The following PHYHIPL variants were observed in gnomAD, a reference collection of about 807,000 sequenced individuals.
The protein encoded by PHYHIPL is phytanoyl-CoA hydroxylase-interacting protein-like.
PHYHIPL carries 9 observed loss-of-function variants against 33.4 expected under a neutral mutation model. The observed-to-expected ratio is 0.27, with a 90% CI of 0.16 to 0.47. The LOEUF is 0.47. PHYHIPL is among the 20% of genes least tolerant of loss of function. PHYHIPL has a pLI of 0.99. For missense variants in PHYHIPL, 365 were observed against 460.7 expected, an observed-to-expected ratio of 0.79 and a Z score of 1.90; for synonymous variants, 153 against 154.1, an observed-to-expected ratio of 0.99 and a Z score of 0.05.
At chr10:59,243,951 C>T (rs1259724617) in intron 4 of PHYHIPL, among the ~76,000 whole-genome samples, 1 of 152,058 alleles carries the variant, frequency 6.6e-6, no homozygotes, top group East Asian at 1.9e-4. Context: ...GGAATTCATC[C>T]AGCAGCAGCA....
intron 1 of PHYHIPL, among the ~76,000 whole-genome samples, chr10:59,182,687 CAACTT>C (rs1464123156): frequency 1.3e-5 from 2 of 151,842 alleles, no homozygotes; most frequent in African/African-American, 2.4e-5. Flanking sequence ...TGTTTGGAGA[CAACTT>C]AAATGTATAG....
chr10:59,183,679 G>T (rs916631579), intron 1 of PHYHIPL: 41 of 984,908 alleles, frequency 4.2e-5, no homozygotes, highest in Non-Finnish European at 4.8e-5. Flanking sequence ...ACAGATGTGA[G>T]TTGAACCAAG....
At chr10:59,173,930 T>TG (rs1838208091), upstream of PHYHIPL, among the ~76,000 whole-genome samples, 5 of 92,084 alleles carry the variant, frequency 5.4e-5, no homozygotes, top group Non-Finnish European at 8.0e-5. Context: ...GGTTTTTTTT[T>TG]TTTTTTTTTT....
Position 59,245,290 on chromosome 10 carries a change from C to T in PHYHIPL, c.830C>T (p.Ala277Val). The T allele has an allele frequency of 1.2e-6, 2 of 1,614,170 alleles. No individual in the cohort carries two copies. The highest frequency in any genetic ancestry group is 1.7e-6 in the Non-Finnish European group (2 of 1,180,018). Residue 277 changes from alanine to valine, a missense_variant, in exon 5 of 5, where the codon GCT becomes GTT. Around this residue, in one of 4 missense-constraint regions of PHYHIPL, gnomAD observed 196 missense variants for 224.9 expected, o/e 0.87. Transcript: ENST00000373880. ...GGGGACTTCTACTGTATGTACACTG[C>T]TTATCATTATGTGATTCTTGTTATT... ...YFGDFYCMYT[A>V]YHYVILVIAP... is the part of the protein sequence containing the mutation.
intron 1 of PHYHIPL, among the ~76,000 whole-genome samples, chr10:59,203,001 A>G (rs1839168137): frequency 6.6e-6 from 1 of 151,572 alleles, no homozygotes; most frequent in Non-Finnish European, 1.5e-5. Flanking sequence ...AAAAGGCCAT[A>G]GATTGCAATC....
Position 59,234,376 on chromosome 10 carries a change from A to C in PHYHIPL, c.179A>C (p.Asn60Thr). The C allele has an allele frequency of 6.2e-7, 1 of 1,603,778 alleles. No individual in the cohort carries two copies. The highest frequency in any genetic ancestry group is 8.5e-7 in the Non-Finnish European group (1 of 1,176,346). ...GTACCACATAACATCAAAATAAGCAATATAACGTGTGACTCATTCAAGATT... is the reference window on the plus strand; with the variant it reads ...GTACCACATAACATCAAAATAAGCACTATAACGTGTGACTCATTCAAGATT... ...LPVPHNIKIS[N>T]ITCDSFKISW... Residue 60 changes from asparagine (N) to threonine (T), a missense_variant, in exon 2 of 5, where the codon AAT becomes ACT. Physicochemically the swap from Asn to Thr is moderately conservative, Grantham distance 65. Around this residue, in one of 4 missense-constraint regions of PHYHIPL, gnomAD observed 89 missense variants for 78.3 expected, o/e 1.14. Coordinates refer to ENST00000373880, the MANE Select transcript of PHYHIPL (RefSeq NM_032439.4).
intron 1 of PHYHIPL, among the ~76,000 whole-genome samples, chr10:59,227,982 A>G (rs575035606): frequency 6.6e-6 from 1 of 151,772 alleles, no homozygotes; most frequent in East Asian, 1.9e-4. Context: ...TGAGATATAT[A>G]TATATGTTTT....
chr10:59,231,932 C>T (rs2133281004), intron 1 of PHYHIPL, among the ~76,000 whole-genome samples: 1 of 152,110 alleles, frequency 6.6e-6, no homozygotes, highest in South Asian at 2.1e-4. Context: ...AAATGTACCT[C>T]CACCTTGGGG....
chr10:59,202,920 A>G (rs145072855), intron 1 of PHYHIPL, among the ~76,000 whole-genome samples: 101 of 152,298 alleles, frequency 6.6e-4, no homozygotes, highest in African/African-American at 2.3e-3. Context: ...AAAACCTACT[A>G]TGTAGACATA....
intron 1 of PHYHIPL, among the ~76,000 whole-genome samples, chr10:59,202,444 A>G (rs572519574): frequency 4.6e-5 from 7 of 152,342 alleles, no homozygotes; most frequent in African/African-American, 7.2e-5. Context: ...TTGTCTTCAC[A>G]TGAATGGTTG....
chr10:59,212,213 T>C lies in PHYHIPL; in HGVS notation c.107-22091T>C, dbSNP rs896069767. The stretch of plus-strand genomic sequence containing the variant: ...TCATGAGATGCTGTCCTCAACCTTG[T>C]ACTTCTTAGCCTCCGTATCTGTAAG... On this transcript the variant is annotated intron_variant, in intron 1 of 4. Transcript: ENST00000373880. Among the ~76,000 whole-genome samples the C allele has an allele frequency of 2.0e-5, 3 of 152,348 alleles. No individual in the cohort carries two copies. The East Asian group carries it at 5.8e-4, about 29-fold the overall frequency.
At chr10:59,235,127 T>C (rs1589295301) in intron 2 of PHYHIPL, among the ~76,000 whole-genome samples, 1 of 150,762 alleles carries the variant, frequency 6.6e-6, no homozygotes, top group East Asian at 1.9e-4. Context: ...TCAAGGTATT[T>C]TAAAAACACT....
At chr10:59,226,362 G>A (rs1839922805) in intron 1 of PHYHIPL, among the ~76,000 whole-genome samples, 2 of 152,068 alleles carry the variant, frequency 1.3e-5, no homozygotes, top group African/African-American at 2.4e-5. Flanking sequence ...GGTTCCCAAA[G>A]AACCAAACTG....
At chr10:59,211,991 G>A (rs923918257) in intron 1 of PHYHIPL, among the ~76,000 whole-genome samples, 1 of 152,120 alleles carries the variant, frequency 6.6e-6, no homozygotes, top group Non-Finnish European at 1.5e-5. Context: ...AGGTGATTAG[G>A]TCATGCGGGC....
In PHYHIPL at chr10:59,180,434, T is replaced by C. The variant is rs560582786; in HGVS notation, c.106+3475T>C. ...TACATGTATCTAAGCTGCCTCCAGCTTTGTTATAGTAAGGAAGAAAATACA... is the reference window on the plus strand; with the variant it reads ...TACATGTATCTAAGCTGCCTCCAGCCTTGTTATAGTAAGGAAGAAAATACA... On this transcript the variant is annotated intron_variant, in intron 1 of 4. Coordinates refer to ENST00000373880, the MANE Select transcript of PHYHIPL (RefSeq NM_032439.4). 3.2e-4 allele frequency among the ~76,000 whole-genome samples: 48 copies of C among 149,578 alleles called. No homozygotes were observed. The South Asian group carries it at 9.7e-3, about 30-fold the overall frequency.
Position 59,245,197 on chromosome 10 carries a change from C to A in PHYHIPL, c.737C>A (p.Pro246His). 6.2e-7 allele frequency: 1 copy of A among 1,614,118 alleles called. No homozygotes were observed. Among genetic ancestry groups the A allele is most frequent in the Non-Finnish European group, 8.5e-7 (1 of 1,180,014 alleles). ...ACTGGAAAGCCACCCCAGGATTCAC[C>A]TTATGGAAGATACAGGTTTGAGATT... ...FNTGKPPQDS[P>H]YGRYRFEIAA... The change falls in exon 5 of 5, where the codon CCT becomes CAT. Residue 246 changes from proline (P) to histidine (H), a missense_variant. Around this residue, in one of 4 missense-constraint regions of PHYHIPL, gnomAD observed 196 missense variants for 224.9 expected, o/e 0.87. Coordinates refer to ENST00000373880, the MANE Select transcript of PHYHIPL (RefSeq NM_032439.4).
At chr10:59,242,224 A>G (rs1343336043) in intron 4 of PHYHIPL, among the ~76,000 whole-genome samples, 2 of 152,158 alleles carry the variant, frequency 1.3e-5, no homozygotes, top group Non-Finnish European at 2.9e-5. Flanking sequence ...CATGTCAAGT[A>G]CTAATGAGAC....
chr10:59,220,045 A>G (rs1839721494), intron 1 of PHYHIPL, among the ~76,000 whole-genome samples: 1 of 152,162 alleles, frequency 6.6e-6, no homozygotes, highest in African/African-American at 2.4e-5. Context: ...CTCCTTTCAC[A>G]CCATTTATTG....
At position 59,204,729 on chromosome 10, in the gene PHYHIPL, A is replaced by G. The variant is rs576444855; in HGVS notation, c.106+27770A>G. ...ATTGGTAGGGAGTGCCATCTCCACT[A>G]TGCTTTTAGTCATATCTTTATATTT... On this transcript the variant is annotated intron_variant, in intron 1 of 4. Transcript: ENST00000373880. 2.7e-4 allele frequency among the ~76,000 whole-genome samples: 41 copies of G among 152,164 alleles called. No homozygotes were observed. In the South Asian group the frequency reaches 8.3e-3, roughly 31 times the overall value.
Sources: allele counts gnomAD v4.1 joint callset (sites outside exome capture counted in the v4.1 genomes callset), GRCh38; gene constraint gnomAD v4.1.1; regional missense constraint gnomAD v4.1.1; transcripts MANE v1.5; gene names NCBI Gene and HGNC (gene_info 2026-07-23, HGNC 2026-07-21).